Variants in MYO1D observed in about 807,000 individuals in gnomAD.
MYO1D encodes myosin ID, also known as unconventional myosin-Id.
Under a neutral mutation model 122.0 loss-of-function variants are expected in MYO1D, and 83 were observed. That is an observed-to-expected ratio of 0.68 (90% confidence interval 0.57 to 0.82). The LOEUF is 0.82. Among genes scored for constraint, MYO1D ranks in the 40% least tolerant of loss-of-function variants. The pLI is 0.00. For missense variants in MYO1D, 1,157 were observed against 1,269.5 expected (o/e 0.91, Z 1.35); for synonymous variants, 464 against 446.9 (o/e 1.04, Z -0.48).
chr17:32,776,254 T>C (rs1047220584), intron 3 of MYO1D, among the ~76,000 whole-genome samples: 22 of 152,278 alleles, frequency 1.4e-4, no homozygotes, highest in Admixed American at 1.2e-3. Flanking sequence ...CTAAAAAGAA[T>C]GAGGTACATC....
At chr17:32,580,729 T>C (rs2087330579) in intron 21 of MYO1D, among the ~76,000 whole-genome samples, 1 of 152,198 alleles carries the variant, frequency 6.6e-6, no homozygotes, top group Admixed American at 6.5e-5. Context: ...ATTTCATATA[T>C]TGATTATTGG....
At chr17:32,653,995 G>C (rs1322916632) in intron 18 of MYO1D, 48 bp from the exon 19 acceptor site, 2 of 1,458,046 alleles carry the variant, frequency 1.4e-6, no homozygotes, top group Non-Finnish European at 1.9e-6. Flanking sequence ...TAGCATTTTA[G>C]AAGGAAAGGC....
intron 1 of MYO1D, among the ~76,000 whole-genome samples, chr17:32,794,623 A>T (rs1286799513): frequency 2.6e-5 from 4 of 152,038 alleles, no homozygotes; most frequent in African/African-American, 9.7e-5. Context: ...TGATAAGGAC[A>T]GACACTAAAT....
chr17:32,827,052 G>A (rs911117933), intron 1 of MYO1D, among the ~76,000 whole-genome samples: 2 of 152,144 alleles, frequency 1.3e-5, no homozygotes, highest in African/African-American at 4.8e-5. Context: ...GCACCCAAAA[G>A]AATTGAAAGT....
chr17:32,847,899 T>C (rs555709330), intron 1 of MYO1D, among the ~76,000 whole-genome samples: 1 of 152,154 alleles, frequency 6.6e-6, no homozygotes, highest in South Asian at 2.1e-4. Context: ...ACAGTACCTA[T>C]ACAGTAGAAT....
intron 16 of MYO1D, among the ~76,000 whole-genome samples, chr17:32,705,169 T>C (rs1000776918): frequency 1.3e-5 from 2 of 151,946 alleles, no homozygotes; most frequent in African/African-American, 4.8e-5. Context: ...CCAATGCAGA[T>C]AGAAAATACA....
chr17:32,589,433 G>A (rs1379947593), intron 21 of MYO1D, among the ~76,000 whole-genome samples: 1 of 152,176 alleles, frequency 6.6e-6, no homozygotes, highest in African/African-American at 2.4e-5. Context: ...AAAGTGGTCC[G>A]GGTTGGGTCA....
chr17:32,738,865 A>G (rs1294412011), intron 13 of MYO1D, among the ~76,000 whole-genome samples: 1 of 150,266 alleles, frequency 6.7e-6, no homozygotes, highest in Non-Finnish European at 1.5e-5. Flanking sequence ...CCTGCTCTTT[A>G]AAAAAAAACA....
chr17:32,667,275 G>A (rs892604236), intron 16 of MYO1D, among the ~76,000 whole-genome samples: 1 of 152,152 alleles, frequency 6.6e-6, no homozygotes, highest in African/African-American at 2.4e-5. Context: ...CTCAGAGACA[G>A]AAAAATCTTT....
chr17:32,818,208 C>T (rs1349717513), intron 1 of MYO1D, among the ~76,000 whole-genome samples: 5 of 150,730 alleles, frequency 3.3e-5, no homozygotes, highest in Admixed American at 2.0e-4. Flanking sequence ...AAGCAGTCTA[C>T]TTCTAGAGCC....
chr17:32,604,974 T>C (rs532670177), intron 21 of MYO1D, 113 bp downstream of exon 21: 9 of 1,020,344 alleles, frequency 8.8e-6, no homozygotes, highest in Non-Finnish European at 1.2e-5. Context: ...GTTGTCCTTA[T>C]GGAGAAAAAT....
chr17:32,696,493 G>A (rs1386310743), intron 16 of MYO1D, among the ~76,000 whole-genome samples: 1 of 152,198 alleles, frequency 6.6e-6, no homozygotes, highest in African/African-American at 2.4e-5. Context: ...AGTTAGTAAT[G>A]AGGAACCTTG....
At chr17:32,571,499 G>C (rs2087227487) in intron 21 of MYO1D, among the ~76,000 whole-genome samples, 1 of 152,078 alleles carries the variant, frequency 6.6e-6, no homozygotes, top group African/African-American at 2.4e-5. Context: ...ATTCTGGTGG[G>C]GTCGCGTTGA....
chr17:32,519,518 G>C (rs1280668278), intron 21 of MYO1D, among the ~76,000 whole-genome samples: 1 of 151,934 alleles, frequency 6.6e-6, no homozygotes, highest in Non-Finnish European at 1.5e-5. Flanking sequence ...CGACGCGGTC[G>C]CCAAGGCAAC....
chr17:32,776,745 T>C (rs1339052717), intron 3 of MYO1D, among the ~76,000 whole-genome samples: 1 of 152,228 alleles, frequency 6.6e-6, no homozygotes, highest in Non-Finnish European at 1.5e-5. Context: ...TTTGAAGCTG[T>C]ATGGAATTTC....
At chr17:32,511,645 T>C (rs1204658277) in intron 21 of MYO1D, among the ~76,000 whole-genome samples, 1 of 151,832 alleles carries the variant, frequency 6.6e-6, no homozygotes, top group Non-Finnish European at 1.5e-5. Flanking sequence ...TTCCTGCTTA[T>C]ATTTCTGTTC....
rs934861025 is a variant in MYO1D, at chr17:32,861,224, C to T, written c.95+15554G>A. On this transcript the variant is annotated intron_variant, in intron 1 of 21. Coordinates refer to ENST00000318217, the MANE Select transcript of MYO1D (RefSeq NM_015194.3). Reference sequence around the variant, plus strand: ...GGGACTACAGGCACCCACCACCACACGCAGCTAATTTTTTGTATTTTTAGT... The same window carrying T: ...GGGACTACAGGCACCCACCACCACATGCAGCTAATTTTTTGTATTTTTAGT... 3.3e-5 allele frequency among the ~76,000 whole-genome samples: 5 copies of T among 152,092 alleles called. No homozygotes were observed. The South Asian group carries it at 8.4e-4, about 25-fold the overall frequency.
intron 1 of MYO1D, among the ~76,000 whole-genome samples, chr17:32,832,140 G>T (rs1167382183): frequency 6.6e-6 from 1 of 151,426 alleles, no homozygotes; most frequent in Non-Finnish European, 1.5e-5. Context: ...TTGAGACAGG[G>T]TCTTGCTCTG....
chr17:32,869,825 C>G (rs2151092767), intron 1 of MYO1D, among the ~76,000 whole-genome samples: 1 of 151,870 alleles, frequency 6.6e-6, no homozygotes, highest in East Asian at 1.9e-4. Flanking sequence ...CCCAGCTACT[C>G]AGGAGGCTGA....
Sources: allele counts gnomAD v4.1 joint callset (sites outside exome capture counted in the v4.1 genomes callset), GRCh38; gene constraint gnomAD v4.1.1; transcripts MANE v1.5; gene names NCBI Gene and HGNC (gene_info 2026-07-23, HGNC 2026-07-21).